Variants in IGF2BP2 observed in about 807,000 individuals in gnomAD.
IGF2BP2 encodes insulin like growth factor 2 mRNA binding protein 2.
A neutral mutation model predicts 75.8 loss-of-function variants in IGF2BP2; 17 were observed. The ratio of observed to expected loss-of-function variants is 0.22; its 90% CI spans 0.15 to 0.34. The LOEUF is 0.34. IGF2BP2 is among the 10% of genes least tolerant of loss of function. The probability of loss-of-function intolerance (pLI) is 1.00; values close to 1 mark genes in which losing one functional copy is unlikely to be tolerated. For missense variants in IGF2BP2, 516 were observed against 772.4 expected (o/e 0.67, Z 3.93); for synonymous variants, 288 against 295.6 (o/e 0.97, Z 0.26).
At chr3:185,728,699 C>T (rs1727709370) in intron 2 of IGF2BP2, 1 of 152,112 alleles carries the variant, frequency 6.6e-6, no homozygotes, top group South Asian at 2.1e-4. Flanking sequence ...AGTACACAGT[C>T]ACGAAAAGGT....
At chr3:185,665,754 G>T in intron 10 of IGF2BP2, among the ~76,000 whole-genome samples, 1 of 152,128 alleles carries the variant, frequency 6.6e-6, no homozygotes, top group East Asian at 1.9e-4. Flanking sequence ...ATTACTTGAG[G>T]TCAGGAGTTC....
At chr3:185,669,559 T>TAA (rs1173087336) in intron 10 of IGF2BP2, among the ~76,000 whole-genome samples, 107 of 41,430 alleles carry the variant, frequency 2.6e-3, no homozygotes, top group African/African-American at 5.2e-3. Context: ...AGAAAAACAG[T>TAA]AAAAAAAAAA....
intron 2 of IGF2BP2, among the ~76,000 whole-genome samples, chr3:185,758,529 A>G (rs931752543): frequency 6.6e-6 from 1 of 152,198 alleles, no homozygotes; most frequent in Non-Finnish European, 1.5e-5. Context: ...CATGGCACGG[A>G]GTAGATGTTC....
chr3:185,812,324 T>C (rs1740006784), intron 2 of IGF2BP2, among the ~76,000 whole-genome samples: 1 of 152,192 alleles, frequency 6.6e-6, no homozygotes, highest in Non-Finnish European at 1.5e-5. Context: ...CAGTTGACTC[T>C]AATGGCTCTG....
intron 2 of IGF2BP2, among the ~76,000 whole-genome samples, chr3:185,729,098 T>A (rs1007987443): frequency 6.6e-6 from 1 of 152,002 alleles, no homozygotes; most frequent in Non-Finnish European, 1.5e-5. Flanking sequence ...GCAGTAAAGA[T>A]TACTGCTTTT....
chr3:185,753,749 C>T (rs933290401), intron 2 of IGF2BP2, among the ~76,000 whole-genome samples: 4 of 152,112 alleles, frequency 2.6e-5, no homozygotes, highest in Non-Finnish European at 5.9e-5. Flanking sequence ...GATGTGTGTC[C>T]CCTCCAAAGC....
At chr3:185,765,638 C>T (rs1732937994) in intron 2 of IGF2BP2, among the ~76,000 whole-genome samples, 1 of 152,220 alleles carries the variant, frequency 6.6e-6, no homozygotes, top group East Asian at 1.9e-4. Context: ...GAAAGGCACG[C>T]AGAAGTGCTC....
intron 7 of IGF2BP2, among the ~76,000 whole-genome samples, chr3:185,677,068 T>TAGAG (rs71164535): frequency 1.1e-3 from 39 of 35,852 alleles, no homozygotes; most frequent in African/African-American, 2.2e-3. Flanking sequence ...TATATATATA[T>TAGAG]AGAGAGAGAG....
At chr3:185,732,644 A>C (rs1460306322) in intron 2 of IGF2BP2, among the ~76,000 whole-genome samples, 1 of 152,196 alleles carries the variant, frequency 6.6e-6, no homozygotes, top group Admixed American at 6.5e-5. Context: ...GCTCTCTAAA[A>C]TCAAAACAAT....
At position 185,702,139 on chromosome 3, in the gene IGF2BP2, G is replaced by T. The variant is rs140394726; in HGVS notation, c.240-3792C>A. On this transcript the variant is annotated intron_variant, in intron 2 of 15. Transcript: ENST00000382199. ...CTAGTGCTGTGTCCCCTCAACCCCC[G>T]CGGTGATTTCATCAAGGACAGGTTC... Among the ~76,000 whole-genome samples, 14 of 152,218 alleles carry T rather than the reference G, an allele frequency of 9.2e-5. No homozygotes were observed. The East Asian group carries it at 2.7e-3, about 29-fold the overall frequency.
chr3:185,696,704 T>A (rs1174176200), intron 3 of IGF2BP2, 41 bp from the exon 4 acceptor site: 1 of 1,545,002 alleles, frequency 6.5e-7, no homozygotes, highest in Admixed American at 1.7e-5. Context: ...GAAGGCAAGA[T>A]CATATGTACA....
At chr3:185,686,956 G>T in intron 7 of IGF2BP2, 101 bp downstream of exon 7, 1 of 1,316,142 alleles carries the variant, frequency 7.6e-7, no homozygotes, top group Non-Finnish European at 1.1e-6. Flanking sequence ...CTGTTACTGA[G>T]TAACAGATTT....
intron 11 of IGF2BP2, 113 bp from the exon 12 acceptor site, chr3:185,657,515 C>T: frequency 1.3e-6 from 1 of 795,032 alleles, no homozygotes; most frequent in Non-Finnish European, 2.0e-6. Context: ...GGCCCCGCCA[C>T]CCAAGGAAAT....
At chr3:185,674,730 C>T (rs1171436129) in intron 9 of IGF2BP2, among the ~76,000 whole-genome samples, 1 of 152,204 alleles carries the variant, frequency 6.6e-6, no homozygotes, top group Non-Finnish European at 1.5e-5. Context: ...AAAAATCCCA[C>T]TTTTCTAATG....
At chr3:185,717,908 G>A (rs1038605754) in intron 2 of IGF2BP2, 2 of 152,172 alleles carry the variant, frequency 1.3e-5, no homozygotes, top group Non-Finnish European at 2.9e-5. Context: ...AAGTGAGAAT[G>A]AACAGGAATG....
At chr3:185,811,830 G>GTGTGTCTCTCTC (rs1553897408) in intron 2 of IGF2BP2, among the ~76,000 whole-genome samples, 1 of 120,694 alleles carries the variant, frequency 8.3e-6, no homozygotes, top group Non-Finnish European at 1.8e-5. Flanking sequence ...AGAGTAGGGT[G>GTGTGTCTCTCTC]TCTCTCTCTC....
chr3:185,710,687 C>T (rs1258658960), intron 2 of IGF2BP2, among the ~76,000 whole-genome samples: 5 of 151,912 alleles, frequency 3.3e-5, no homozygotes, highest in East Asian at 3.9e-4. Context: ...GAGCCAAGAT[C>T]GCGCCACTCC....
At chr3:185,767,954 C>G (rs1218809276) in intron 2 of IGF2BP2, 3 of 152,230 alleles carry the variant, frequency 2.0e-5, no homozygotes, top group Admixed American at 1.3e-4. Flanking sequence ...CTCTTTAATC[C>G]AATTATACTT....
intron 10 of IGF2BP2, among the ~76,000 whole-genome samples, chr3:185,668,152 T>A (rs1717935238): frequency 6.6e-6 from 1 of 152,168 alleles, no homozygotes; most frequent in Admixed American, 6.6e-5. Context: ...ACAAAAAACT[T>A]GGAATCAACC....
Sources: gnomAD v4.1 joint callset for allele counts (sites outside exome capture counted in the v4.1 genomes callset) on GRCh38, gnomAD v4.1.1 for gene constraint, MANE v1.5 for transcripts, NCBI Gene and HGNC (gene_info 2026-07-23, HGNC 2026-07-21) for gene names.